CEP350: variants seen among roughly 807,000 people sequenced by gnomAD.
CEP350 encodes the protein centrosome-associated protein 350.
CEP350 carries 126 observed loss-of-function variants against 331.8 expected under a neutral mutation model. That is an observed-to-expected ratio of 0.38 (90% CI 0.33 to 0.44). The LOEUF is 0.44. CEP350 is among the 20% of genes least tolerant of loss of function. The pLI is 1.00. For missense variants in CEP350, 3,406 were observed against 3,634.6 expected, an observed-to-expected ratio of 0.94 and a Z score of 1.62; for synonymous variants, 1,200 against 1,259.5, an observed-to-expected ratio of 0.95 and a Z score of 1.00.
intron 20 of CEP350, 29 bp downstream of exon 20, chr1:180,043,221 T>C (rs1656884390): frequency 6.3e-7 from 1 of 1,584,926 alleles, no homozygotes; most frequent in Admixed American, 1.8e-5. Flanking sequence ...AGCAAATATA[T>C]AATGACTGTC....
rs1050270910 is a variant in CEP350 at position 180,046,739 on chromosome 1, G to GT, written c.4623-1789dup. Among the ~76,000 whole-genome samples, 13 of 151,986 alleles carry GT rather than the reference G, an allele frequency of 8.6e-5. No individual in the cohort carries two copies. The East Asian group carries it at 1.7e-3, about 20-fold the overall frequency. The stretch of plus-strand genomic sequence containing the variant: ...TCTACAGTCCTCACCAATGCTTGTT[G>GT]TTTTTTTTGTTATAGCCATCTTAGG... On this transcript the variant is annotated intron_variant, in intron 21 of 37. Coordinates refer to ENST00000367607, the MANE Select transcript of CEP350 (RefSeq NM_014810.5).
intron 9 of CEP350, among the ~76,000 whole-genome samples, chr1:180,012,415 C>T (rs779279883): frequency 7.2e-5 from 11 of 152,120 alleles, no homozygotes; most frequent in Admixed American, 2.6e-4. Context: ...CAAGCAAACA[C>T]GGACAAACAT....
chr1:180,037,412 T>G (rs4445423), intron 17 of CEP350, among the ~76,000 whole-genome samples: 80,585 of 140,198 alleles, frequency 0.57, 23,638 homozygotes, highest in East Asian at 0.72. Context: ...ATACTGAGGG[T>G]TTTTTTTTTT....
Position 180,093,806 on chromosome 1 carries a change from A to G in CEP350, c.7701A>G (p.Pro2567=). The G allele has an allele frequency of 6.2e-7, 1 of 1,613,948 alleles. No individual in the cohort carries two copies. Among genetic ancestry groups the G allele is most frequent in the East Asian group, 2.2e-5 (1 of 44,878 alleles). The change falls in exon 34 of 38, where the codon CCA becomes CCG. Residue 2567 remains proline (P), a synonymous_variant. Transcript: ENST00000367607. ...FAPPQKISHI[P]ENFDDYVDIN... Reference sequence around the variant, plus strand: ...CTCCTCAAAAAATATCTCACATTCCAGAAAACTTTGATGACTATGTAGACA... The same window carrying G: ...CTCCTCAAAAAATATCTCACATTCCGGAAAACTTTGATGACTATGTAGACA...
At position 180,034,037 on chromosome 1, in the gene CEP350, C is replaced by T. The variant is rs779454482; in HGVS notation, c.3901C>T (p.Pro1301Ser). Residue 1301 changes from proline to serine, a missense_variant, in exon 16 of 38, where the codon CCG becomes TCG. Pro to Ser is a moderately conservative substitution (Grantham distance 74). Around this residue, in one of 5 missense-constraint regions of CEP350, gnomAD observed 1,857 missense variants for 1,909.2 expected, o/e 0.97. Transcript: ENST00000367607. ...KPNAPLTDLN[P>S]AASRTTTENM... is the part of the protein sequence containing the mutation. The stretch of plus-strand genomic sequence containing the variant: ...TAATGCACCTCTCACTGATCTGAAC[C>T]CGGCAGCCAGCAGAACAACGACAGA... 2.5e-6 allele frequency: 4 copies of T among 1,613,782 alleles called. No homozygotes were observed. The highest frequency in any genetic ancestry group is 2.5e-6 in the Non-Finnish European group (3 of 1,179,770).
intron 1 of CEP350, among the ~76,000 whole-genome samples, chr1:179,960,283 GA>G (rs1433179242): frequency 2.0e-5 from 3 of 151,076 alleles, no homozygotes; most frequent in South Asian, 2.1e-4. Flanking sequence ...GAGGAAACTG[GA>G]GCATACGGAG....
chr1:180,053,833 A>G lies in CEP350; in HGVS notation c.5073A>G (p.Glu1691=), dbSNP rs1657653967. 1.2e-6 allele frequency: 2 copies of G among 1,612,236 alleles called. No homozygotes were observed. The highest frequency in any genetic ancestry group is 1.7e-6 in the Non-Finnish European group (2 of 1,178,692). The change falls in exon 24 of 38, where the codon GAA becomes GAG. Residue 1691 remains glutamate, a synonymous_variant. Coordinates refer to ENST00000367607, the MANE Select transcript of CEP350 (RefSeq NM_014810.5). ...TGGTTCGACAGTATATGAAAGAGGA[A>G]GAAATGAGGGCAGCTCACCAGTCTT... ...MEMVRQYMKE[E]EMRAAHQSSL...
At chr1:180,022,938 C>T (rs1655425092) in intron 13 of CEP350, 90 bp downstream of exon 13, 2 of 1,299,482 alleles carry the variant, frequency 1.5e-6, no homozygotes, top group African/African-American at 1.5e-5. Context: ...CCAAGTTTTG[C>T]TCATTTAAAA....
chr1:180,078,451 TTC>T lies in CEP350; in HGVS notation c.5768-8_5768-7del, dbSNP rs1659367636. On this transcript the variant is annotated splice_polypyrimidine_tract_variant and intron_variant, in intron 28 of 37. Coordinates refer to ENST00000367607, the MANE Select transcript of CEP350 (RefSeq NM_014810.5). ...GTATCTTTTTTTTCTTGTTTTCACC[TTC>T]TCTGTCTAGAAATAGCAAGTGAAGA... 5 of 1,588,376 alleles carry T rather than the reference TTC, an allele frequency of 3.1e-6. No homozygotes were observed. Among genetic ancestry groups the T allele is most frequent in the Non-Finnish European group, 4.3e-6 (5 of 1,161,790 alleles).
intron 37 of CEP350, among the ~76,000 whole-genome samples, chr1:180,102,931 C>T (rs533639781): frequency 7.0e-4 from 107 of 152,302 alleles, no homozygotes; most frequent in Admixed American, 1.6e-3. Flanking sequence ...ACGACACAGA[C>T]ACACATACAT....
chr1:179,987,691 T>C (rs977735532), intron 3 of CEP350, among the ~76,000 whole-genome samples: 8 of 150,666 alleles, frequency 5.3e-5, no homozygotes, highest in African/African-American at 1.7e-4. Context: ...CTTTGGGAGG[T>C]TGAGGTGGGT....
intron 1 of CEP350, among the ~76,000 whole-genome samples, chr1:179,965,886 A>G (rs183315279): frequency 2.3e-3 from 348 of 152,120 alleles, no homozygotes; most frequent in Admixed American, 4.8e-3. Context: ...TTGGCCTTCC[A>G]AAGTGCTGGG....
At chr1:180,019,860 C>T in intron 11 of CEP350, 89 bp from the exon 12 acceptor site, 2 of 1,138,472 alleles carry the variant, frequency 1.8e-6, no homozygotes, top group South Asian at 4.4e-5. Flanking sequence ...TGTTGCAGTG[C>T]ATCCTCATTA....
chr1:179,981,567 T>C (rs1196082723), intron 1 of CEP350, among the ~76,000 whole-genome samples: 3 of 152,228 alleles, frequency 2.0e-5, no homozygotes. Flanking sequence ...AAAAATGTAT[T>C]CTTAAAGAAC....
At position 180,052,979 on chromosome 1, in the gene CEP350, C is replaced by T; in HGVS notation, c.4802C>T (p.Ser1601Phe). The change falls in exon 23 of 38, where the codon TCT (serine) becomes TTT (phenylalanine). Residue 1601 changes from serine (S) to phenylalanine (F), a missense_variant. Around this residue, in one of 5 missense-constraint regions of CEP350, gnomAD observed 1,857 missense variants for 1,909.2 expected, o/e 0.97. Coordinates refer to ENST00000367607, the MANE Select transcript of CEP350 (RefSeq NM_014810.5). ...PSLPDEKDSTSIATEYSLKFD... is the reference protein window; with the variant it reads ...PSLPDEKDSTFIATEYSLKFD... ...CTCCATATTCTTTTAGACTCAACGT[C>T]TATTGCAACAGAATATTCTCTGAAA... 2 of 1,295,394 alleles carry T rather than the reference C, an allele frequency of 1.5e-6. No individual in the cohort carries two copies. Among genetic ancestry groups the T allele is most frequent in the African/African-American group, 1.5e-5 (1 of 67,720 alleles). The allele number at this position is 1,295,394 out of a possible 1,614,324, so 80.2% of individuals were successfully genotyped here.
At chr1:180,047,765 A>G (rs1657225075) in intron 21 of CEP350, among the ~76,000 whole-genome samples, 1 of 127,226 alleles carries the variant, frequency 7.9e-6, no homozygotes, top group Non-Finnish European at 1.9e-5. Context: ...CTCAAAAAAA[A>G]AAAAAAAAAA....
intron 32 of CEP350, among the ~76,000 whole-genome samples, chr1:180,088,356 G>T (rs1466073239): frequency 6.6e-6 from 1 of 151,044 alleles, no homozygotes; most frequent in Admixed American, 6.6e-5. Flanking sequence ...AAAAGTAAAG[G>T]TTAGATCAGT....
intron 30 of CEP350, among the ~76,000 whole-genome samples, chr1:180,082,269 A>G (rs1659618431): frequency 6.6e-6 from 1 of 152,374 alleles, no homozygotes; most frequent in Non-Finnish European, 1.5e-5. Flanking sequence ...TCTAAACTAC[A>G]GATTCACTAC....
At chr1:180,038,783 G>A (rs942808904) in intron 17 of CEP350, among the ~76,000 whole-genome samples, 7 of 152,176 alleles carry the variant, frequency 4.6e-5, no homozygotes, top group East Asian at 1.9e-4. Context: ...CTTTTCAGAT[G>A]TATTGGAAAT....
Sources: allele counts gnomAD v4.1 joint callset (sites outside exome capture counted in the v4.1 genomes callset), GRCh38; gene constraint gnomAD v4.1.1; regional missense constraint gnomAD v4.1.1; transcripts MANE v1.5; gene names NCBI Gene and HGNC (gene_info 2026-07-23, HGNC 2026-07-21).